POSTN: variants seen among roughly 807,000 people sequenced by gnomAD.
POSTN encodes the protein osteoblast specific factor 2 (fasciclin I-like).
Under a neutral mutation model 104.5 loss-of-function variants are expected in POSTN, and 71 were observed. The observed-to-expected ratio is 0.68, with a 90% CI of 0.56 to 0.83. POSTN has a LOEUF of 0.83. POSTN is among the 40% of genes least tolerant of loss of function. The probability of loss-of-function intolerance (pLI) is 0.00; values close to 1 mark genes in which losing one functional copy is unlikely to be tolerated. For synonymous variants in POSTN, 355 were observed against 340.7 expected (o/e 1.04, Z -0.46); for missense variants, 949 against 1,006.8 (o/e 0.94, Z 0.78).
At position 37,574,446 on chromosome 13, in the gene POSTN, G is replaced by A. The variant is rs922796487; in HGVS notation, c.2089+126C>T. The A allele has an allele frequency of 3.1e-6, 4 of 1,297,070 alleles. No homozygotes were observed. The African/African-American group carries it at 6.3e-5, about 20-fold the overall frequency. 80.3% of individuals were successfully genotyped at this position (1,297,070 alleles called of 1,614,324 possible). ...CTGCAATTACATGAGCATGCCATTG[G>A]TATAATATTGGTTATATAACATTTA... On this transcript the variant is annotated intron_variant, in intron 17 of 22. Coordinates refer to ENST00000379747, the MANE Select transcript of POSTN (RefSeq NM_006475.3).
intron 19 of POSTN, among the ~76,000 whole-genome samples, 154 bp from the exon 20 acceptor site, chr13:37,569,975 T>G (rs535328642): frequency 6.6e-6 from 1 of 152,068 alleles, no homozygotes; most frequent in African/African-American, 2.4e-5. Context: ...CCTTAGGTAT[T>G]ATATAAATGG....
chr13:37,578,380 G>A (rs1438204954), intron 15 of POSTN, among the ~76,000 whole-genome samples: 2 of 152,102 alleles, frequency 1.3e-5, no homozygotes, highest in Non-Finnish European at 2.9e-5. Flanking sequence ...CTTTACAGGT[G>A]GGTCAGTGGT....
intron 10 of POSTN, among the ~76,000 whole-genome samples, chr13:37,581,229 T>C (rs1950579889): frequency 6.6e-6 from 1 of 152,182 alleles, no homozygotes; most frequent in Non-Finnish European, 1.5e-5. Context: ...GCACATTTAA[T>C]GCATACTTAA....
chr13:37,588,396 A>G (rs1950821759), intron 4 of POSTN, among the ~76,000 whole-genome samples: 1 of 152,226 alleles, frequency 6.6e-6, no homozygotes, highest in Non-Finnish European at 1.5e-5. Flanking sequence ...TTTATTCCAT[A>G]ACAAATTCAA....
intron 2 of POSTN, among the ~76,000 whole-genome samples, chr13:37,592,496 C>T (rs1031436649): frequency 1.3e-5 from 2 of 152,092 alleles, no homozygotes; most frequent in South Asian, 2.1e-4. Context: ...GATGGGGTTT[C>T]GCCGTGCTAG....
At chr13:37,582,126 T>C (rs1229840003) in intron 10 of POSTN, among the ~76,000 whole-genome samples, 5 of 152,222 alleles carry the variant, frequency 3.3e-5, no homozygotes, top group Non-Finnish European at 5.9e-5. Context: ...TAATTGATGC[T>C]CTAGAATAGA....
intron 5 of POSTN, 69 bp downstream of exon 5, chr13:37,587,753 A>G: frequency 8.3e-7 from 1 of 1,206,526 alleles, no homozygotes; most frequent in Non-Finnish European, 1.2e-6. Context: ...TGTGAGCATT[A>G]TATAAAAAGT....
intron 4 of POSTN, among the ~76,000 whole-genome samples, chr13:37,589,945 C>CAT (rs1950878302): frequency 6.6e-6 from 1 of 151,982 alleles, no homozygotes; most frequent in Non-Finnish European, 1.5e-5. Flanking sequence ...CCTGAACATC[C>CAT]ATATATATAC....
intron 9 of POSTN, 23 bp downstream of exon 9, chr13:37,583,946 G>A (rs374638251): frequency 6.2e-7 from 1 of 1,600,652 alleles, no homozygotes. Flanking sequence ...CAGAGAGCAG[G>A]AACAACAGTG....
At chr13:37,594,696 C>A (rs181243787) in intron 2 of POSTN, among the ~76,000 whole-genome samples, 6 of 151,988 alleles carry the variant, frequency 3.9e-5, no homozygotes, top group Non-Finnish European at 4.4e-5. Flanking sequence ...AATATCTTGA[C>A]CCTAGGAAGC....
intron 21 of POSTN, chr13:37,565,455 A>G (rs969825121): frequency 6.6e-6 from 1 of 152,008 alleles, no homozygotes; most frequent in African/African-American, 2.4e-5. Flanking sequence ...TATACTCAGC[A>G]TGAAGTCCAG....
Position 37,583,336 on chromosome 13 carries a change from C to G in POSTN, c.1243+633G>C, listed in dbSNP as rs1045174730. Among the ~76,000 whole-genome samples, 76 of 151,230 alleles carry G rather than the reference C, an allele frequency of 5.0e-4. 1 individual carries two copies. The highest frequency in any genetic ancestry group is 1.8e-3 in the African/African-American group (74 of 41,174). ...TTTCTAAATATTATTATGTTGGTAT[C>G]AAATAAAGAAATCAGTTTTATTTTT... On this transcript the variant is annotated intron_variant, in intron 9 of 22. Transcript: ENST00000379747.
intron 17 of POSTN, 36 bp downstream of exon 17, chr13:37,574,536 A>G (rs1398290723): frequency 1.3e-6 from 2 of 1,555,486 alleles, no homozygotes; most frequent in South Asian, 1.2e-5. Context: ...AGATGTTTTT[A>G]CTATAAAAGG....
intron 22 of POSTN, among the ~76,000 whole-genome samples, chr13:37,564,199 TATATATATATATATATA>T (rs1950017339): frequency 9.0e-6 from 1 of 110,648 alleles, no homozygotes; most frequent in Non-Finnish European, 1.9e-5. Context: ...TATATATATA[TATATATATATATATATA>T]TATATATATA....
At position 37,571,434 on chromosome 13, in the gene POSTN, A is replaced by G. The variant is rs763377982; in HGVS notation, c.2114T>C (p.Ile705Thr). The G allele has an allele frequency of 4.4e-6, 7 of 1,608,114 alleles. No individual in the cohort carries two copies. Among genetic ancestry groups the G allele is most frequent in the Non-Finnish European group, 6.0e-6 (7 of 1,175,156 alleles). ...CAGTCTGAATTCAGGTTCACCTTCA[A>G]TTTTGACTTTTGTTAGTGTGGGTCC... ...TEGPTLTKVKIEGEPEFRLIK... is the reference protein window; with the variant it reads ...TEGPTLTKVKTEGEPEFRLIK... Residue 705 changes from isoleucine to threonine, a missense_variant, in exon 18 of 23, where the codon ATT (isoleucine) becomes ACT (threonine). Physicochemically the swap from Ile to Thr is moderately conservative, Grantham distance 89. Coordinates refer to ENST00000379747, the MANE Select transcript of POSTN (RefSeq NM_006475.3).
At position 37,579,345 on chromosome 13, in the gene POSTN, G is replaced by A; in HGVS notation, c.1675C>T (p.Leu559Phe). The change falls in exon 13 of 23, where the codon CTT becomes TTT. Residue 559 changes from leucine (L) to phenylalanine (F), a missense_variant. By Grantham distance (22) the Leu-to-Phe change is conservative. Transcript: ENST00000379747. ...AGGTGATAAAGAATGATGTTTTGAA[G>A]AGCATTTTTGTCCCCTAGGGGAAAA... ...KEILIRDKNALQNIILYHLTP... is the reference protein window; with the variant it reads ...KEILIRDKNAFQNIILYHLTP... 6.3e-7 allele frequency: 1 copy of A among 1,584,452 alleles called. No homozygotes were observed. The highest frequency in any genetic ancestry group is 8.7e-7 in the Non-Finnish European group (1 of 1,153,988).
chr13:37,582,354 T>G lies in POSTN; in HGVS notation c.1392+12A>C, dbSNP rs1174952499. The G allele has an allele frequency of 1.1e-5, 18 of 1,588,650 alleles. No homozygotes were observed. The highest frequency in any genetic ancestry group is 1.5e-5 in the Non-Finnish European group (18 of 1,172,860). ...ATTTGACAGACTTTTTATTTTGTTGTGATTCACTTACTGTACGATATACGA... is the reference window on the plus strand; with the variant it reads ...ATTTGACAGACTTTTTATTTTGTTGGGATTCACTTACTGTACGATATACGA... On this transcript the variant is annotated intron_variant, in intron 10 of 22. Coordinates refer to ENST00000379747, the MANE Select transcript of POSTN (RefSeq NM_006475.3).
At chr13:37,569,952 A>C (rs927745536) in intron 19 of POSTN, 131 bp from the exon 20 acceptor site, 1 of 636,876 alleles carries the variant, frequency 1.6e-6, no homozygotes, top group African/African-American at 1.8e-5. Context: ...CTGATACTTC[A>C]GTGTGAAAGC....
At chr13:37,594,553 A>T (rs948967766) in intron 2 of POSTN, among the ~76,000 whole-genome samples, 1 of 152,204 alleles carries the variant, frequency 6.6e-6, no homozygotes, top group Admixed American at 6.5e-5. Context: ...ACATAGCTCT[A>T]AACATGAGAA....
Sources: allele counts gnomAD v4.1 joint callset (sites outside exome capture counted in the v4.1 genomes callset), GRCh38; gene constraint gnomAD v4.1.1; transcripts MANE v1.5; gene names NCBI Gene and HGNC (gene_info 2026-07-23, HGNC 2026-07-21).